AUTS2: variants seen among roughly 807,000 people sequenced by gnomAD.
AUTS2 encodes activator of transcription and developmental regulator AUTS2, also known as autism susceptibility gene 2 protein.
A neutral mutation model predicts 112.4 loss-of-function variants in AUTS2; 17 were observed. The observed-to-expected ratio is 0.15, with a 90% CI of 0.10 to 0.23. The LOEUF (loss-of-function observed/expected upper bound fraction) is 0.23, where lower values mean the gene tolerates loss of function less well. AUTS2 is among the 10% of genes least tolerant of loss of function. The pLI is 1.00. For synonymous variants in AUTS2, 751 were observed against 702.7 expected, an observed-to-expected ratio of 1.07 and a Z score of -1.09; for missense variants, 1,510 against 1,701.6, an observed-to-expected ratio of 0.89 and a Z score of 1.98.
At chr7:69,635,547 G>A (rs766338445) in intron 1 of AUTS2, among the ~76,000 whole-genome samples, 1 of 152,170 alleles carries the variant, frequency 6.6e-6, no homozygotes, top group Non-Finnish European at 1.5e-5. Flanking sequence ...CAGTACCAGA[G>A]GGCACCTGGA....
At chr7:70,004,335 GAATATATATTCATATATATATTATGTA>G (rs1320469609) in intron 2 of AUTS2, among the ~76,000 whole-genome samples, 11 of 119,952 alleles carry the variant, frequency 9.2e-5, no homozygotes, top group Non-Finnish European at 1.5e-4. Context: ...ATATATATAT[GAATATATATTCATATATATATTATGTA>G]TGAATATATA....
chr7:70,354,976 A>ATGTATGGGTGTGTGTG (rs887736152), intron 4 of AUTS2, among the ~76,000 whole-genome samples: 1 of 147,412 alleles, frequency 6.8e-6, no homozygotes, highest in Non-Finnish European at 1.5e-5. Context: ...GTGTGTGTGT[A>ATGTATGGGTGTGTGTG]TGTATGGGTG....
At chr7:69,978,918 A>G (rs999004138) in intron 2 of AUTS2, among the ~76,000 whole-genome samples, 12 of 150,268 alleles carry the variant, frequency 8.0e-5, no homozygotes, top group Admixed American at 4.0e-4. Flanking sequence ...ACGCACACAC[A>G]CACGCACACA....
chr7:69,802,752 T>A (rs1790140241), intron 1 of AUTS2, among the ~76,000 whole-genome samples: 1 of 152,182 alleles, frequency 6.6e-6, no homozygotes, highest in Non-Finnish European at 1.5e-5. Context: ...GGATTACCCA[T>A]CTATGCTTTG....
At chr7:70,444,541 G>C (rs771143127) in intron 5 of AUTS2, among the ~76,000 whole-genome samples, 2 of 152,064 alleles carry the variant, frequency 1.3e-5, no homozygotes, top group Non-Finnish European at 2.9e-5. Context: ...ACTTTAAGAA[G>C]TCCCCAGATT....
At chr7:70,775,101 G>A (rs1176683235) in intron 12 of AUTS2, 1 of 511,372 alleles carries the variant, frequency 2.0e-6, no homozygotes, top group Non-Finnish European at 3.4e-6. Context: ...CATGTTGCCA[G>A]AGGGCACATT....
At chr7:70,206,846 ATCT>A (rs1442705607) in intron 4 of AUTS2, among the ~76,000 whole-genome samples, 3 of 152,164 alleles carry the variant, frequency 2.0e-5, no homozygotes, top group African/African-American at 7.2e-5. Context: ...CTCCCTGTTA[ATCT>A]TCTCCTCCTC....
chr7:70,448,556 C>T (rs1342643746), intron 5 of AUTS2, among the ~76,000 whole-genome samples: 1 of 152,152 alleles, frequency 6.6e-6, no homozygotes, highest in Non-Finnish European at 1.5e-5. Context: ...TCCAATCACT[C>T]AAGTAGTAAA....
chr7:69,926,047 A>C (rs1795994543), intron 2 of AUTS2, among the ~76,000 whole-genome samples: 1 of 152,192 alleles, frequency 6.6e-6, no homozygotes, highest in Non-Finnish European at 1.5e-5. Context: ...GTATCCTTTT[A>C]AATTTATTGG....
intron 4 of AUTS2, chr7:70,292,033 T>C (rs1788731018): frequency 1.3e-5 from 2 of 152,216 alleles, no homozygotes; most frequent in South Asian, 4.1e-4. Context: ...ACCACTTATC[T>C]ATATTTTTTA....
chr7:69,701,702 T>A (rs1373879498), intron 1 of AUTS2, among the ~76,000 whole-genome samples: 1 of 152,214 alleles, frequency 6.6e-6, no homozygotes, highest in Non-Finnish European at 1.5e-5. Context: ...TTTTGCAGTT[T>A]GGGAAACATT....
At chr7:69,963,880 C>G (rs370740519) in intron 2 of AUTS2, among the ~76,000 whole-genome samples, 23 of 152,182 alleles carry the variant, frequency 1.5e-4, no homozygotes, top group East Asian at 1.4e-3. Flanking sequence ...GTAAAGTAGC[C>G]TTTTCTCCCT....
chr7:70,275,866 A>C (rs1484733486), intron 4 of AUTS2, among the ~76,000 whole-genome samples: 1 of 152,224 alleles, frequency 6.6e-6, no homozygotes, highest in East Asian at 1.9e-4. Flanking sequence ...CTCCCCAGCC[A>C]TGCAGAACTG....
rs543566990 is a variant in AUTS2 at position 69,809,369 on chromosome 7, C to T, written c.310-89917C>T. Among the ~76,000 whole-genome samples, 159 of 152,314 alleles carry T rather than the reference C, an allele frequency of 1.0e-3. 1 individual carries two copies. The highest frequency in any genetic ancestry group is 0.01 in the Admixed American group (155 of 15,288). ...CTGGGATTACAGGCGTGAGCCACCA[C>T]GCCTGGCCGATCATAGACATCATTT... On this transcript the variant is annotated intron_variant, in intron 1 of 18. Transcript: ENST00000342771.
At chr7:69,810,012 G>T (rs913779711) in intron 1 of AUTS2, among the ~76,000 whole-genome samples, 1 of 152,134 alleles carries the variant, frequency 6.6e-6, no homozygotes, top group Non-Finnish European at 1.5e-5. Context: ...TGTTCTGGTT[G>T]ATGTTCAGCA....
intron 1 of AUTS2, among the ~76,000 whole-genome samples, chr7:69,709,631 C>A (rs1019104339): frequency 2.6e-5 from 4 of 152,156 alleles, no homozygotes; most frequent in Non-Finnish European, 4.4e-5. Context: ...CACACTTGTG[C>A]AGATAAACAG....
intron 2 of AUTS2, among the ~76,000 whole-genome samples, chr7:69,933,313 A>C (rs1177438876): frequency 6.6e-6 from 1 of 152,208 alleles, no homozygotes; most frequent in Non-Finnish European, 1.5e-5. Context: ...ATATATTTAG[A>C]TATATAAGAT....
At chr7:69,710,011 A>C (rs1798243855) in intron 1 of AUTS2, among the ~76,000 whole-genome samples, 1 of 152,216 alleles carries the variant, frequency 6.6e-6, no homozygotes, top group Admixed American at 6.5e-5. Flanking sequence ...GAAGTGACTT[A>C]ACACAAATGA....
intron 4 of AUTS2, among the ~76,000 whole-genome samples, chr7:70,275,714 G>C (rs1034689906): frequency 9.2e-5 from 14 of 152,134 alleles, no homozygotes; most frequent in Non-Finnish European, 1.6e-4. Flanking sequence ...TTCTGTTCTT[G>C]TGATAGTGAG....
Sources: allele counts gnomAD v4.1 joint callset (sites outside exome capture counted in the v4.1 genomes callset), GRCh38; gene constraint gnomAD v4.1.1; transcripts MANE v1.5; gene names NCBI Gene and HGNC (gene_info 2026-07-23, HGNC 2026-07-21).